The following WDR89 variants were observed in gnomAD, a reference collection of about 807,000 sequenced individuals.
The protein encoded by WDR89 is WD repeat-containing protein 89.
A neutral mutation model predicts 29.1 loss-of-function variants in WDR89; 17 were observed. That is an observed-to-expected ratio of 0.58 (90% CI 0.40 to 0.88). The LOEUF is 0.88. Ranked by LOEUF, WDR89 falls within the 40% of genes least tolerant of loss-of-function variation. The pLI is 0.00. For missense variants in WDR89, 396 were observed against 456.3 expected (o/e 0.87, Z 1.20); for synonymous variants, 138 against 157.8 (o/e 0.87, Z 0.94).
At chr14:63,639,357 C>CAA (rs777712423) in intron 1 of WDR89, among the ~76,000 whole-genome samples, 1,523 of 64,628 alleles carry the variant, frequency 0.024, 48 homozygotes, top group African/African-American at 0.067. Flanking sequence ...TCATCTCTAC[C>CAA]AAAAAAAAAA....
At chr14:63,602,315 T>C (rs1295032775) in intron 2 of WDR89, among the ~76,000 whole-genome samples, 1 of 151,652 alleles carries the variant, frequency 6.6e-6, no homozygotes, top group African/African-American at 2.4e-5. Flanking sequence ...CTACTAAAAA[T>C]ACAAAAATTA....
chr14:63,618,680 A>G (rs991607786), intron 2 of WDR89, among the ~76,000 whole-genome samples: 7 of 152,176 alleles, frequency 4.6e-5, no homozygotes, highest in Non-Finnish European at 7.3e-5. Context: ...AGAAAAATAG[A>G]AAAGAAAAAA....
At chr14:63,610,244 A>AAAAAAT (rs1881875935) in intron 2 of WDR89, among the ~76,000 whole-genome samples, 2 of 143,096 alleles carry the variant, frequency 1.4e-5, no homozygotes, top group African/African-American at 5.2e-5. Context: ...AAAAAAAAAA[A>AAAAAAT]CTCTTGGATT....
intron 1 of WDR89, among the ~76,000 whole-genome samples, chr14:63,626,895 A>G (rs1883097949): frequency 6.6e-6 from 1 of 151,460 alleles, no homozygotes; most frequent in Non-Finnish European, 1.5e-5. Flanking sequence ...AGGCAGGAGG[A>G]TCACTTTGAG....
chr14:63,639,953 G>A (rs895759538), intron 1 of WDR89, among the ~76,000 whole-genome samples: 5 of 152,132 alleles, frequency 3.3e-5, no homozygotes, highest in East Asian at 1.9e-4. Flanking sequence ...CCGCACTCCC[G>A]TCTGGAAAAA....
At chr14:63,616,423 T>C (rs1008837779) in intron 2 of WDR89, among the ~76,000 whole-genome samples, 1 of 152,066 alleles carries the variant, frequency 6.6e-6, no homozygotes, top group African/African-American at 2.4e-5. Context: ...TAACTAATTA[T>C]AATAATAAAA....
chr14:63,640,752 T>A (rs1884059619), intron 1 of WDR89, among the ~76,000 whole-genome samples: 1 of 148,780 alleles, frequency 6.7e-6, no homozygotes, highest in Non-Finnish European at 1.5e-5. Context: ...CTGGGATTAC[T>A]GGCGTGAGCC....
At chr14:63,601,737 G>A (rs1463534216) in intron 2 of WDR89, 51 of 1,457,160 alleles carry the variant, frequency 3.5e-5, no homozygotes, top group East Asian at 9.1e-5. Context: ...ATAACATGGA[G>A]GCACCAAAGT....
At chr14:63,624,391 C>G (rs958587416) in intron 2 of WDR89, among the ~76,000 whole-genome samples, 8 of 147,484 alleles carry the variant, frequency 5.4e-5, no homozygotes, top group Admixed American at 6.8e-5. Context: ...CACTTTAGCC[C>G]GGGAGGTGGA....
chr14:63,624,165 G>A (rs1443055380), intron 2 of WDR89, among the ~76,000 whole-genome samples: 3 of 152,062 alleles, frequency 2.0e-5, no homozygotes, highest in African/African-American at 4.8e-5. Context: ...CTTTTGAACA[G>A]TCAAGAAAAT....
intron 2 of WDR89, among the ~76,000 whole-genome samples, chr14:63,624,503 G>C (rs1221981537): frequency 7.6e-6 from 1 of 130,918 alleles, no homozygotes; most frequent in African/African-American, 3.3e-5. Context: ...AAAACAAAAA[G>C]AAATATTTAA....
intron 2 of WDR89, among the ~76,000 whole-genome samples, chr14:63,620,301 C>A (rs1478651055): frequency 6.6e-6 from 1 of 152,092 alleles, no homozygotes; most frequent in Admixed American, 6.6e-5. Flanking sequence ...GATAAATTTG[C>A]AGGACATTAT....
intron 2 of WDR89, among the ~76,000 whole-genome samples, chr14:63,601,092 C>A (rs577107100): frequency 6.6e-6 from 1 of 152,204 alleles, no homozygotes; most frequent in East Asian, 1.9e-4. Context: ...GTCCTCTAAG[C>A]CTCCAAATGG....
intron 2 of WDR89, among the ~76,000 whole-genome samples, chr14:63,623,674 A>C (rs952005324): frequency 1.5e-5 from 2 of 134,262 alleles, no homozygotes; most frequent in African/African-American, 5.7e-5. Context: ...ACTGCACTCC[A>C]GCCTGGGAGA....
At chr14:63,618,857 C>T (rs1051117457) in intron 2 of WDR89, among the ~76,000 whole-genome samples, 4 of 152,218 alleles carry the variant, frequency 2.6e-5, no homozygotes, top group Non-Finnish European at 4.4e-5. Flanking sequence ...AGAATCTTAA[C>T]GGCATCAGAC....
intron 1 of WDR89, among the ~76,000 whole-genome samples, chr14:63,638,233 C>A (rs774266557): frequency 6.6e-5 from 10 of 152,170 alleles, no homozygotes; most frequent in African/African-American, 1.2e-4. Flanking sequence ...GCATGAGCCA[C>A]CGTTCTTGGC....
At chr14:63,640,714 G>A (rs557411321) in intron 1 of WDR89, among the ~76,000 whole-genome samples, 3 of 151,014 alleles carry the variant, frequency 2.0e-5, no homozygotes, top group Non-Finnish European at 4.5e-5. Flanking sequence ...CTGACCTCGT[G>A]ATCCGCCCGC....
In WDR89 at chr14:63,635,604, T is replaced by A. The variant is rs73263627; in HGVS notation, c.-138+6200A>T. On this transcript the variant is annotated intron_variant, in intron 1 of 2. Coordinates refer to ENST00000620954, the MANE Select transcript of WDR89 (RefSeq NM_080666.4). ...GCCCACTCTCACCACTCCTCCTCAA[T>A]GTACTACTGGAAGTCCTAGCCAGAG... Among the ~76,000 whole-genome samples the A allele has an allele frequency of 5.3e-5, 8 of 152,136 alleles. No individual in the cohort carries two copies. The East Asian group carries it at 1.4e-3, about 26-fold the overall frequency.
chr14:63,614,126 A>G (rs961635360), intron 2 of WDR89, among the ~76,000 whole-genome samples: 2 of 152,034 alleles, frequency 1.3e-5, no homozygotes, highest in Non-Finnish European at 2.9e-5. Flanking sequence ...CTATATAAGC[A>G]TGTAGCATAT....
Sources: allele counts gnomAD v4.1 joint callset (sites outside exome capture counted in the v4.1 genomes callset), GRCh38; gene constraint gnomAD v4.1.1; transcripts MANE v1.5; gene names NCBI Gene and HGNC (gene_info 2026-07-23, HGNC 2026-07-21).